PTPRD: variants seen among roughly 807,000 people sequenced by gnomAD.
The protein encoded by PTPRD is protein tyrosine phosphatase receptor type D.
In PTPRD, 34 loss-of-function variants were observed where a neutral mutation model predicts 214.5. The ratio of observed to expected loss-of-function variants is 0.16; its 90% CI spans 0.12 to 0.21. PTPRD has a LOEUF of 0.21. Among genes scored for constraint, PTPRD ranks in the 10% least tolerant of loss-of-function variants. PTPRD has a pLI of 1.00. For missense variants in PTPRD, 2,545 were observed against 2,398.7 expected, an observed-to-expected ratio of 1.06 and a Z score of -1.27; for synonymous variants, 1,128 against 845.7, an observed-to-expected ratio of 1.33 and a Z score of -5.79.
chr9:8,789,652 T>C (rs916150766), intron 11 of PTPRD, among the ~76,000 whole-genome samples: 2 of 151,934 alleles, frequency 1.3e-5, no homozygotes, highest in Non-Finnish European at 2.9e-5. Flanking sequence ...TTTAAACTGC[T>C]AGTACCTTAT....
intron 4 of PTPRD, among the ~76,000 whole-genome samples, chr9:10,033,360 A>C (rs964715840): frequency 6.6e-6 from 1 of 151,890 alleles, no homozygotes; most frequent in Non-Finnish European, 1.5e-5. Flanking sequence ...ATAGCTTCAG[A>C]TCTCTTCGTG....
chr9:8,661,824 C>T (rs189249776), intron 12 of PTPRD, among the ~76,000 whole-genome samples: 60 of 152,306 alleles, frequency 3.9e-4, no homozygotes, highest in African/African-American at 1.4e-3. Flanking sequence ...AAATCTCCTC[C>T]TGGTTAATTC....
intron 3 of PTPRD, among the ~76,000 whole-genome samples, chr9:10,321,584 T>C (rs894525311): frequency 1.3e-5 from 2 of 152,044 alleles, no homozygotes; most frequent in Non-Finnish European, 2.9e-5. Flanking sequence ...TGAAACGATT[T>C]TGAAGGGGTT....
At chr9:10,223,571 A>G (rs1322342876) in intron 3 of PTPRD, among the ~76,000 whole-genome samples, 1 of 151,626 alleles carries the variant, frequency 6.6e-6, no homozygotes, top group African/African-American at 2.4e-5. Context: ...AGCTGAGGTG[A>G]GAGAATTGTT....
intron 5 of PTPRD, among the ~76,000 whole-genome samples, chr9:9,880,629 C>G (rs905073009): frequency 2.0e-5 from 3 of 152,142 alleles, no homozygotes; most frequent in South Asian, 2.1e-4. Flanking sequence ...CTTTGGGACT[C>G]TGTGTGTGTT....
At chr9:8,966,183 A>T (rs1404042653) in intron 11 of PTPRD, among the ~76,000 whole-genome samples, 2 of 152,118 alleles carry the variant, frequency 1.3e-5, no homozygotes, top group African/African-American at 4.8e-5. Flanking sequence ...TACTAAAAGC[A>T]ATCTATAGAT....
At chr9:9,602,651 T>C (rs1439325053) in intron 7 of PTPRD, among the ~76,000 whole-genome samples, 4 of 152,102 alleles carry the variant, frequency 2.6e-5, no homozygotes, top group East Asian at 1.9e-4. Context: ...TTACAAAAAA[T>C]AGATATACAA....
chr9:8,853,206 A>G (rs1451074601), intron 11 of PTPRD, among the ~76,000 whole-genome samples: 1 of 152,112 alleles, frequency 6.6e-6, no homozygotes, highest in African/African-American at 2.4e-5. Flanking sequence ...TGATGGCATT[A>G]TTATTTAGGT....
In PTPRD at chr9:8,485,864, T is replaced by G; in HGVS notation, c.2953A>C (p.Lys985Gln). ...ADTTMTLTGL[K>Q]PDTTYDVKVR... The stretch of plus-strand genomic sequence containing the variant: ...TTTACATCGTATGTGGTATCTGGTT[T>G]TAAGCCAGTGAGTGTCATAGTGGTG... The change falls in exon 28 of 46, where the codon AAA (lysine) becomes CAA (glutamine). Residue 985 changes from lysine to glutamine, a missense_variant. Transcript: ENST00000381196. The G allele has an allele frequency of 6.2e-7, 1 of 1,614,174 alleles. No homozygotes were observed. The highest frequency in any genetic ancestry group is 8.5e-7 in the Non-Finnish European group (1 of 1,180,034).
intron 33 of PTPRD, chr9:8,451,975 G>C: frequency 7.4e-6 from 3 of 404,402 alleles, no homozygotes; most frequent in South Asian, 5.7e-5. Context: ...GGGTAGAAAA[G>C]AAAACTCTCT....
At chr9:9,971,530 G>A (rs2095101573) in intron 4 of PTPRD, among the ~76,000 whole-genome samples, 1 of 152,196 alleles carries the variant, frequency 6.6e-6, no homozygotes, top group Non-Finnish European at 1.5e-5. Context: ...TCAACTCTGA[G>A]GAATTCAGGC....
chr9:8,706,604 G>GA (rs936614765), intron 12 of PTPRD, among the ~76,000 whole-genome samples: 13 of 151,860 alleles, frequency 8.6e-5, no homozygotes, highest in African/African-American at 2.4e-5. Context: ...TTGAGCTTAA[G>GA]AAAAAAAAGC....
At chr9:9,758,184 C>CTTTT (rs34736489) in intron 6 of PTPRD, among the ~76,000 whole-genome samples, 1 of 144,134 alleles carries the variant, frequency 6.9e-6, no homozygotes, top group African/African-American at 2.6e-5. Context: ...CCTTAGCAGA[C>CTTTT]TTTTTTTTTT....
At chr9:10,029,214 G>A (rs1288346514) in intron 4 of PTPRD, among the ~76,000 whole-genome samples, 1 of 152,204 alleles carries the variant, frequency 6.6e-6, no homozygotes, top group African/African-American at 2.4e-5. Flanking sequence ...AAAGAAGTTT[G>A]CTGCAGGGGT....
chr9:8,563,436 CTTTTTTT>C (rs1036473887), intron 14 of PTPRD, among the ~76,000 whole-genome samples: 1 of 130,640 alleles, frequency 7.7e-6, no homozygotes, highest in African/African-American at 2.9e-5. Flanking sequence ...TTGATGTAGA[CTTTTTTT>C]TTTTTTTTTT....
intron 35 of PTPRD, among the ~76,000 whole-genome samples, chr9:8,420,450 C>A (rs1458919431): frequency 4.6e-5 from 7 of 151,982 alleles, no homozygotes; most frequent in Non-Finnish European, 1.0e-4. Context: ...GTTCTCAAGG[C>A]CATTTGGGAG....
chr9:8,974,524 T>G (rs2099257200), intron 11 of PTPRD, among the ~76,000 whole-genome samples: 1 of 152,048 alleles, frequency 6.6e-6, no homozygotes. Flanking sequence ...GATATGCTCC[T>G]TTTAATGTGC....
chr9:9,949,589 G>A (rs774948890), intron 4 of PTPRD, among the ~76,000 whole-genome samples: 2 of 152,080 alleles, frequency 1.3e-5, no homozygotes, highest in African/African-American at 4.8e-5. Context: ...TACGACCTAG[G>A]TTAAGCCAAT....
At chr9:10,028,993 C>T (rs1205330609) in intron 4 of PTPRD, among the ~76,000 whole-genome samples, 1 of 152,098 alleles carries the variant, frequency 6.6e-6, no homozygotes, top group Non-Finnish European at 1.5e-5. Flanking sequence ...TGTGTGCCGC[C>T]TAGGGACTTG....
Sources: allele counts gnomAD v4.1 joint callset (sites outside exome capture counted in the v4.1 genomes callset), GRCh38; gene constraint gnomAD v4.1.1; transcripts MANE v1.5; gene names NCBI Gene and HGNC (gene_info 2026-07-23, HGNC 2026-07-21).